The following THSD7B variants were observed in gnomAD, a reference collection of about 807,000 sequenced individuals.
THSD7B encodes thrombospondin type 1 domain containing 7B.
THSD7B carries 138 observed loss-of-function variants against 213.6 expected under a neutral mutation model. The ratio of observed to expected loss-of-function variants is 0.65; its 90% confidence interval spans 0.56 to 0.74. The LOEUF (loss-of-function observed/expected upper bound fraction) is 0.74. Among genes scored for constraint, THSD7B ranks in the 30% least tolerant of loss-of-function variants. The pLI is 0.00. For missense variants in THSD7B, 1,931 were observed against 1,991.5 expected, an observed-to-expected ratio of 0.97 and a Z score of 0.58; for synonymous variants, 742 against 687.0, an observed-to-expected ratio of 1.08 and a Z score of -1.25.
At position 137,441,638 on chromosome 2, in the gene THSD7B, T is replaced by C. The variant is rs1558798270; in HGVS notation, c.2960-9207T>C. 6.6e-5 allele frequency among the ~76,000 whole-genome samples: 10 copies of C among 152,226 alleles called. No individual in the cohort carries two copies. The South Asian group carries it at 2.1e-3, about 32-fold the overall frequency. The stretch of plus-strand genomic sequence containing the variant: ...AACCTGCAGCCCAGTTAAGGGGCTA[T>C]TATAATAGTTCAAGTGAGAGATATT... On this transcript the variant is annotated intron_variant, in intron 14 of 27. Transcript: ENST00000409968.
chr2:136,791,726 T>G (rs560842625), intron 1 of THSD7B, among the ~76,000 whole-genome samples: 24 of 152,198 alleles, frequency 1.6e-4, no homozygotes, highest in African/African-American at 5.8e-4. Flanking sequence ...GTACCAGTAT[T>G]TCTTTCTTTT....
chr2:137,337,030 GT>G (rs752082080), intron 12 of THSD7B, among the ~76,000 whole-genome samples: 9 of 151,348 alleles, frequency 5.9e-5, no homozygotes, highest in Non-Finnish European at 8.8e-5. Context: ...AACATCTTAT[GT>G]GAGAATAATA....
intron 2 of THSD7B, among the ~76,000 whole-genome samples, chr2:136,987,545 C>T (rs1277787275): frequency 6.6e-6 from 1 of 152,092 alleles, no homozygotes; most frequent in Non-Finnish European, 1.5e-5. Context: ...AAGTGGAAAA[C>T]ATGGAGTTAG....
chr2:136,966,930 C>T (rs1338887523), intron 2 of THSD7B, among the ~76,000 whole-genome samples: 1 of 152,150 alleles, frequency 6.6e-6, no homozygotes, highest in African/African-American at 2.4e-5. Flanking sequence ...TCTCTTCCTT[C>T]CCCTCCCCTA....
intron 1 of THSD7B, among the ~76,000 whole-genome samples, chr2:136,854,861 T>C (rs1211778928): frequency 1.3e-5 from 2 of 152,066 alleles, no homozygotes; most frequent in Non-Finnish European, 2.9e-5. Flanking sequence ...ATTGCTAGTA[T>C]CTGTAGCGTC....
At chr2:137,138,122 G>T (rs1250709555) in intron 5 of THSD7B, among the ~76,000 whole-genome samples, 2 of 152,034 alleles carry the variant, frequency 1.3e-5, no homozygotes, top group South Asian at 2.1e-4. Flanking sequence ...TCAAACTTCT[G>T]GCCTCAAGTG....
chr2:137,635,698 T>C (rs975564300), intron 20 of THSD7B, among the ~76,000 whole-genome samples: 3 of 151,938 alleles, frequency 2.0e-5, no homozygotes, highest in African/African-American at 7.2e-5. Flanking sequence ...GCAGTTACCA[T>C]ATTTAAAATA....
chr2:137,185,226 C>A (rs1680529295), intron 7 of THSD7B, among the ~76,000 whole-genome samples: 1 of 150,118 alleles, frequency 6.7e-6, no homozygotes, highest in Non-Finnish European at 1.5e-5. Context: ...GGGCTGACTG[C>A]AAAGTTATAT....
chr2:136,786,455 G>T (rs138813536), intron 1 of THSD7B, among the ~76,000 whole-genome samples: 2 of 152,050 alleles, frequency 1.3e-5, no homozygotes, highest in African/African-American at 4.8e-5. Context: ...TTTTAATGAT[G>T]TTGGCTTGTT....
chr2:137,349,699 A>G (rs1684964656), intron 12 of THSD7B, among the ~76,000 whole-genome samples: 1 of 151,824 alleles, frequency 6.6e-6, no homozygotes, highest in African/African-American at 2.4e-5. Context: ...ATACCTAGGT[A>G]GTTACTTGTG....
chr2:136,827,170 G>C (rs1169991718), intron 1 of THSD7B, among the ~76,000 whole-genome samples: 2 of 152,226 alleles, frequency 1.3e-5, no homozygotes, highest in Non-Finnish European at 2.9e-5. Context: ...TGTTAGGTCA[G>C]CTCCAGACTC....
chr2:137,073,134 G>T (rs1479082758), intron 3 of THSD7B, among the ~76,000 whole-genome samples: 1 of 152,052 alleles, frequency 6.6e-6, no homozygotes, highest in Non-Finnish European at 1.5e-5. Context: ...GAGTTAGGGA[G>T]GATTCCCTCT....
chr2:137,605,706 G>A (rs577284205), intron 17 of THSD7B, among the ~76,000 whole-genome samples: 1 of 118,722 alleles, frequency 8.4e-6, no homozygotes, highest in Non-Finnish European at 1.6e-5. Flanking sequence ...GTCCTGCTCC[G>A]TCGCCAGGCT....
chr2:137,527,909 A>AC (rs1281048601), intron 15 of THSD7B, among the ~76,000 whole-genome samples: 7 of 152,040 alleles, frequency 4.6e-5, no homozygotes, highest in Admixed American at 6.6e-5. Context: ...GAAAGGAAAA[A>AC]CTGGATTCTA....
chr2:136,777,103 C>T (rs1239810330), intron 1 of THSD7B, among the ~76,000 whole-genome samples: 1 of 152,104 alleles, frequency 6.6e-6, no homozygotes, highest in Non-Finnish European at 1.5e-5. Context: ...CCAGAGGTTT[C>T]ACCAGTTGCA....
At position 137,057,063 on chromosome 2, in the gene THSD7B, A is replaced by G. The variant is rs1200511607; in HGVS notation, c.783A>G (p.Pro261=). Residue 261 remains proline (P), a synonymous_variant, in exon 3 of 28, where the codon CCA becomes CCG. Transcript: ENST00000409968. Reference sequence around the variant, plus strand: ...TGCCTCATCTTAAAGAAATTAATCCAAGCGGAAGAACTGTTCTGGATTTTA... The same window carrying G: ...TGCCTCATCTTAAAGAAATTAATCCGAGCGGAAGAACTGTTCTGGATTTTA... The part of the protein sequence containing the change: ...CRLPHLKEIN[P]SGRTVLDFNS... The G allele has an allele frequency of 5.0e-6, 8 of 1,613,826 alleles. No homozygotes were observed. The highest frequency in any genetic ancestry group is 2.7e-5 in the African/African-American group (2 of 74,888).
At chr2:137,400,630 T>C (rs1686333491) in intron 12 of THSD7B, among the ~76,000 whole-genome samples, 1 of 152,198 alleles carries the variant, frequency 6.6e-6, no homozygotes, top group South Asian at 2.1e-4. Context: ...TGAGAAGCTT[T>C]TCTTCTTCCT....
chr2:137,014,050 C>T (rs1160226767), intron 2 of THSD7B, among the ~76,000 whole-genome samples: 4 of 152,154 alleles, frequency 2.6e-5, no homozygotes, highest in Non-Finnish European at 4.4e-5. Context: ...GCTGACTGCA[C>T]GCCCTGCCAT....
At chr2:136,891,326 C>G (rs1480276416) in intron 2 of THSD7B, among the ~76,000 whole-genome samples, 2 of 152,116 alleles carry the variant, frequency 1.3e-5, no homozygotes, top group Admixed American at 6.6e-5. Flanking sequence ...AAAAGCGAGG[C>G]ACTAAAACTG....
Sources: gnomAD v4.1 joint callset for allele counts (sites outside exome capture counted in the v4.1 genomes callset) on GRCh38, gnomAD v4.1.1 for gene constraint, MANE v1.5 for transcripts, NCBI Gene and HGNC (gene_info 2026-07-23, HGNC 2026-07-21) for gene names.